PTPRK: variants seen among roughly 807,000 people sequenced by gnomAD.
PTPRK encodes the protein protein tyrosine phosphatase receptor type K.
A neutral mutation model predicts 178.0 loss-of-function variants in PTPRK; 75 were observed. The ratio of observed to expected loss-of-function variants is 0.42; its 90% CI spans 0.35 to 0.51. The LOEUF (loss-of-function observed/expected upper bound fraction) is 0.51, where lower values mean the gene tolerates loss of function less well. Ranked by LOEUF, PTPRK falls within the 20% of genes least tolerant of loss-of-function variation. The pLI is 0.02. For synonymous variants in PTPRK, 637 were observed against 620.6 expected (o/e 1.03, Z -0.39); for missense variants, 1,441 against 1,797.8 (o/e 0.80, Z 3.59).
intron 13 of PTPRK, among the ~76,000 whole-genome samples, chr6:128,036,642 G>C (rs1776268145): frequency 6.6e-6 from 1 of 151,698 alleles, no homozygotes; most frequent in Non-Finnish European, 1.5e-5. Flanking sequence ...TAAAGAGTTG[G>C]TAAAAAAATA....
At chr6:127,986,399 C>A (rs1334323501) in intron 21 of PTPRK, among the ~76,000 whole-genome samples, 3 of 152,164 alleles carry the variant, frequency 2.0e-5, no homozygotes, top group Non-Finnish European at 4.4e-5. Flanking sequence ...AATATACAGG[C>A]AGCTAAACTG....
intron 19 of PTPRK, among the ~76,000 whole-genome samples, chr6:127,992,285 C>T (rs927401798): frequency 3.3e-5 from 5 of 151,656 alleles, no homozygotes; most frequent in African/African-American, 1.2e-4. Context: ...CTCATTATAA[C>T]AATATTGGTC....
At chr6:128,074,100 A>C (rs1783333239) in intron 11 of PTPRK, among the ~76,000 whole-genome samples, 1 of 152,028 alleles carries the variant, frequency 6.6e-6, no homozygotes, top group Non-Finnish European at 1.5e-5. Flanking sequence ...TTAACTGTGG[A>C]AGAAATGGTG....
At chr6:128,260,923 A>T (rs1465977603) in intron 3 of PTPRK, among the ~76,000 whole-genome samples, 1 of 152,284 alleles carries the variant, frequency 6.6e-6, no homozygotes, top group South Asian at 2.1e-4. Context: ...TGAAAATAAA[A>T]ATTTAAATTG....
In PTPRK at chr6:127,981,679, G is replaced by C. The variant is rs187963220; in HGVS notation, c.3538-390C>G. Among the ~76,000 whole-genome samples the C allele has an allele frequency of 2.6e-5, 4 of 152,292 alleles. No homozygotes were observed. The East Asian group carries it at 7.7e-4, about 29-fold the overall frequency. On this transcript the variant is annotated intron_variant, in intron 24 of 29. Transcript: ENST00000368226. ...CATATTTGAAGATAAGCTATGGCAT[G>C]TTGGAAAGAGCACTGGATCAACAAT...
intron 1 of PTPRK, among the ~76,000 whole-genome samples, chr6:128,404,721 C>A (rs1841454326): frequency 6.6e-6 from 1 of 152,090 alleles, no homozygotes; most frequent in Admixed American, 6.6e-5. Context: ...ATGCCAAATA[C>A]CCATAGAAAT....
intron 13 of PTPRK, among the ~76,000 whole-genome samples, chr6:128,011,745 G>A (rs1779086415): frequency 6.6e-6 from 1 of 151,062 alleles, no homozygotes; most frequent in African/African-American, 2.4e-5. Context: ...ATATAGATAG[G>A]TTAATGAATT....
At chr6:128,486,965 A>G (rs1212846311) in intron 1 of PTPRK, among the ~76,000 whole-genome samples, 1 of 151,768 alleles carries the variant, frequency 6.6e-6, no homozygotes, top group East Asian at 1.9e-4. Flanking sequence ...TCAGAAAAAA[A>G]GAAAAAATGT....
chr6:128,202,225 G>A (rs1309211115), intron 6 of PTPRK, among the ~76,000 whole-genome samples: 4 of 152,260 alleles, frequency 2.6e-5, no homozygotes, highest in South Asian at 2.1e-4. Context: ...GGCCCACTTC[G>A]GGGAGACATG....
chr6:128,188,697 T>C (rs1044146183), intron 6 of PTPRK, among the ~76,000 whole-genome samples: 1 of 152,190 alleles, frequency 6.6e-6, no homozygotes, highest in African/African-American at 2.4e-5. Flanking sequence ...CTGAAATCAG[T>C]ACCACTCGGT....
At chr6:128,261,014 G>A (rs1818095547) in intron 3 of PTPRK, among the ~76,000 whole-genome samples, 1 of 151,934 alleles carries the variant, frequency 6.6e-6, no homozygotes, top group South Asian at 2.1e-4. Context: ...TTCATCCTGA[G>A]CTTATATAGC....
intron 7 of PTPRK, among the ~76,000 whole-genome samples, chr6:128,111,798 T>C (rs1320143618): frequency 6.6e-6 from 1 of 152,080 alleles, no homozygotes; most frequent in Non-Finnish European, 1.5e-5. Flanking sequence ...CTTTGTGATA[T>C]GGGTATGGAT....
At chr6:128,242,482 A>G in intron 4 of PTPRK, 39 bp downstream of exon 4, 1 of 1,597,300 alleles carries the variant, frequency 6.3e-7, no homozygotes, top group Admixed American at 1.8e-5. Context: ...GCAAGTGTGG[A>G]AAGGACATAG....
chr6:128,220,093 T>C (rs1287092069), intron 5 of PTPRK, among the ~76,000 whole-genome samples: 1 of 152,054 alleles, frequency 6.6e-6, no homozygotes, highest in African/African-American at 2.4e-5. Context: ...TATAAACTAA[T>C]AGGAAATGAC....
intron 3 of PTPRK, among the ~76,000 whole-genome samples, chr6:128,309,888 T>C (rs2128315638): frequency 6.6e-6 from 1 of 152,238 alleles, no homozygotes; most frequent in South Asian, 2.1e-4. Context: ...ATGGTTTAAG[T>C]AATCTCCCTT....
chr6:128,237,914 A>G (rs1413809026), intron 5 of PTPRK: 4 of 375,216 alleles, frequency 1.1e-5, no homozygotes, highest in South Asian at 2.2e-5. Context: ...ATAATGATCA[A>G]TCTTATCTGG....
chr6:128,120,178 G>A (rs1278223719), intron 7 of PTPRK, among the ~76,000 whole-genome samples: 1 of 151,758 alleles, frequency 6.6e-6, no homozygotes, highest in African/African-American at 2.4e-5. Flanking sequence ...TTAATTTTTT[G>A]CATGTCAATT....
intron 1 of PTPRK, among the ~76,000 whole-genome samples, chr6:128,402,223 A>C (rs1247759161): frequency 7.0e-6 from 1 of 143,238 alleles, no homozygotes; most frequent in East Asian, 2.1e-4. Context: ...CACCTTACAG[A>C]AGTATAGAAA....
rs149412860 is a variant in PTPRK, at chr6:128,390,343, G to A, written c.223+7223C>T. 9.6e-4 allele frequency among the ~76,000 whole-genome samples: 146 copies of A among 152,148 alleles called. 1 individual carries two copies. The East Asian group carries it at 0.024, about 25-fold the overall frequency. ...ATAACATACACATAAATCAAAGGAA[G>A]GGCAAAGCGTCTCCCCAAGGGATGA... On this transcript the variant is annotated intron_variant, in intron 2 of 29. Transcript: ENST00000368226.
Sources: gnomAD v4.1 joint callset for allele counts (sites outside exome capture counted in the v4.1 genomes callset) on GRCh38, gnomAD v4.1.1 for gene constraint, MANE v1.5 for transcripts, NCBI Gene and HGNC (gene_info 2026-07-23, HGNC 2026-07-21) for gene names.